Variants in SAMD5 observed in about 807,000 individuals in gnomAD.
The protein encoded by SAMD5 is sterile alpha motif domain-containing protein 5.
Under a neutral mutation model 11.3 loss-of-function variants are expected in SAMD5, and 13 were observed. The ratio of observed to expected loss-of-function variants is 1.15; its 90% CI spans 0.75 to 1.83. The LOEUF (loss-of-function observed/expected upper bound fraction) is 1.83, where lower values mean the gene tolerates loss of function less well. SAMD5 is among the 40% of genes most tolerant of loss of function. The pLI is 0.00. For synonymous variants in SAMD5, 129 were observed against 111.3 expected (o/e 1.16, Z -1.00); for missense variants, 255 against 239.1 (o/e 1.07, Z -0.44).
chr6:147,696,385 T>A (rs1791176873), intron 1 of SAMD5, among the ~76,000 whole-genome samples: 1 of 152,216 alleles, frequency 6.6e-6, no homozygotes, highest in Admixed American at 6.5e-5. Flanking sequence ...ATGTAGAGAA[T>A]GACAGTATTT....
At chr6:147,755,259 A>G in the SAMD5 span, among the ~76,000 whole-genome samples, 12 of 152,116 alleles carry the variant, frequency 7.9e-5, no homozygotes, top group East Asian at 1.9e-3. Flanking sequence ...GGTTTTCATT[A>G]TAGAGATCTT....
the SAMD5 span, among the ~76,000 whole-genome samples, chr6:147,831,631 C>A: frequency 6.6e-6 from 1 of 152,192 alleles, no homozygotes; most frequent in Non-Finnish European, 1.5e-5. Context: ...AAATATCTTA[C>A]AAGATCTTCA....
At chr6:147,780,897 A>T in the SAMD5 span, among the ~76,000 whole-genome samples, 10 of 152,312 alleles carry the variant, frequency 6.6e-5, no homozygotes, top group South Asian at 1.0e-3. Flanking sequence ...TACTCTTTAG[A>T]TACTTCATTG....
the SAMD5 span, among the ~76,000 whole-genome samples, chr6:147,767,012 G>A: frequency 6.6e-6 from 1 of 152,050 alleles, no homozygotes; most frequent in African/African-American, 2.4e-5. Context: ...GAAAGGAAAG[G>A]TAATAATAGG....
chr6:147,653,996 G>A (rs1163422316), intron 1 of SAMD5, among the ~76,000 whole-genome samples: 2 of 152,128 alleles, frequency 1.3e-5, no homozygotes, highest in Non-Finnish European at 2.9e-5. Flanking sequence ...ACAATGACAC[G>A]AATTTAATCC....
chr6:147,533,838 A>G (rs932408087), intron 1 of SAMD5, among the ~76,000 whole-genome samples: 3 of 152,172 alleles, frequency 2.0e-5, no homozygotes, highest in African/African-American at 7.2e-5. Context: ...TCTTAAGGCC[A>G]CCAACTGATT....
intron 1 of SAMD5, among the ~76,000 whole-genome samples, chr6:147,603,692 C>T (rs1789655936): frequency 6.6e-6 from 1 of 151,882 alleles, no homozygotes; most frequent in African/African-American, 2.4e-5. Context: ...ATTTCCTCAC[C>T]AATACCTTTT....
At chr6:147,549,584 A>G (rs1167522973) in intron 1 of SAMD5, among the ~76,000 whole-genome samples, 2 of 152,046 alleles carry the variant, frequency 1.3e-5, no homozygotes, top group Non-Finnish European at 2.9e-5. Context: ...CAAGCAGCCA[A>G]CCCCTTCACA....
chr6:147,922,394 C>T, the SAMD5 span, among the ~76,000 whole-genome samples: 545 of 152,184 alleles, frequency 3.6e-3, no homozygotes, highest in African/African-American at 0.013. Context: ...TGTTACACCT[C>T]GTAATGTGGG....
rs140643252 is a variant in SAMD5, at chr6:147,564,452, G to T, written c.518G>T (p.Arg173Leu). Residue 173 changes from arginine (R) to leucine (L), a missense_variant, in exon 2 of 2, where the codon CGC (arginine) becomes CTC (leucine). Coordinates refer to ENST00000367474, the MANE Select transcript of SAMD5 (RefSeq NM_001030060.3). ...AATTGGCCGAAGTCATCACAGAGCC[G>T]CTAGATATCATTTTTGAGACCTCGT... Reference protein sequence around the residue: ...LMNWPKSSQSR With the variant: ...LMNWPKSSQSL 5.1e-6 allele frequency: 4 copies of T among 782,486 alleles called. No homozygotes were observed. Among genetic ancestry groups the T allele is most frequent in the East Asian group, 4.8e-5 (2 of 41,244 alleles). The allele number at this position is 782,486 out of a possible 1,614,324, so 48.5% of individuals were successfully genotyped here. A position where few individuals can be genotyped will look rare whatever the true frequency, so the allele number is the denominator to read the frequency against.
chr6:147,710,513 C>T (rs577781648), intron 1 of SAMD5, among the ~76,000 whole-genome samples: 23 of 152,212 alleles, frequency 1.5e-4, no homozygotes, highest in Non-Finnish European at 2.8e-4. Flanking sequence ...GTAGACACTC[C>T]CTGCTTGTTA....
At chr6:147,595,922 A>G (rs1254404416) in intron 1 of SAMD5, among the ~76,000 whole-genome samples, 1 of 152,120 alleles carries the variant, frequency 6.6e-6, no homozygotes, top group African/African-American at 2.4e-5. Flanking sequence ...CCCTATATAC[A>G]GCTCCGTATT....
the SAMD5 span, among the ~76,000 whole-genome samples, chr6:147,828,474 C>T: frequency 1.3e-5 from 2 of 152,154 alleles, no homozygotes; most frequent in Non-Finnish European, 2.9e-5. Flanking sequence ...GACCCACCCT[C>T]AATCTGGGTG....
At chr6:147,774,651 G>A in the SAMD5 span, among the ~76,000 whole-genome samples, 1,778 of 152,084 alleles carry the variant, frequency 0.012, 13 homozygotes, top group Non-Finnish European at 0.017. Flanking sequence ...ACAGTTGGTT[G>A]AATCTGTGGT....
chr6:147,661,707 G>A (rs937325683), intron 1 of SAMD5, among the ~76,000 whole-genome samples: 1 of 152,180 alleles, frequency 6.6e-6, no homozygotes, highest in Non-Finnish European at 1.5e-5. Flanking sequence ...TCTGTTCACT[G>A]CAACCTCTGC....
At chr6:147,679,510 T>G (rs1159554162) in intron 1 of SAMD5, among the ~76,000 whole-genome samples, 1 of 152,162 alleles carries the variant, frequency 6.6e-6, no homozygotes, top group African/African-American at 2.4e-5. Context: ...TTCATATTAT[T>G]GAGTTTTGAG....
At chr6:147,838,542 G>T in the SAMD5 span, among the ~76,000 whole-genome samples, 2 of 60,578 alleles carry the variant, frequency 3.3e-5, no homozygotes, top group Admixed American at 3.2e-4. Flanking sequence ...CCCCCCCCCC[G>T]TAGTTATTGT....
intron 1 of SAMD5, among the ~76,000 whole-genome samples, chr6:147,677,702 G>A (rs555530541): frequency 6.6e-6 from 1 of 152,070 alleles, no homozygotes; most frequent in Non-Finnish European, 1.5e-5. Context: ...GCGGGCGGGG[G>A]CTTGGGAGCA....
At chr6:147,621,730 G>T (rs1303504416) in intron 1 of SAMD5, among the ~76,000 whole-genome samples, 1 of 152,290 alleles carries the variant, frequency 6.6e-6, no homozygotes, top group African/African-American at 2.4e-5. Context: ...TCCCTTCTGT[G>T]GGTGCTGTTT....
Sources: allele counts gnomAD v4.1 joint callset (sites outside exome capture counted in the v4.1 genomes callset), GRCh38; gene constraint gnomAD v4.1.1; transcripts MANE v1.5; gene names NCBI Gene and HGNC (gene_info 2026-07-23, HGNC 2026-07-21).